CDH19: variants seen among roughly 807,000 people sequenced by gnomAD.
CDH19 encodes cadherin-19.
Under a neutral mutation model 64.2 loss-of-function variants are expected in CDH19, and 67 were observed. That is an observed-to-expected ratio of 1.04 (90% CI 0.86 to 1.28). CDH19 has a LOEUF of 1.28. CDH19 is among the 50% of genes most tolerant of loss of function. The pLI, the probability that CDH19 is intolerant of heterozygous loss-of-function variation, is 0.00. For synonymous variants in CDH19, 346 were observed against 319.3 expected, an observed-to-expected ratio of 1.08 and a Z score of -0.89; for missense variants, 1,030 against 929.0, an observed-to-expected ratio of 1.11 and a Z score of -1.41.
rs372939754 is a variant in CDH19, at chr18:66,572,212, A to T, written c.-8T>A. On this transcript the variant is annotated 5_prime_UTR_variant, in exon 2 of 12. Transcript: ENST00000262150. ...CAGTAAATAACAGTTCATTGCGTTG[A>T]CTCTTTTGATTCCAACTATTACTCT... 4 of 1,603,382 alleles carry T rather than the reference A, an allele frequency of 2.5e-6. No individual in the cohort carries two copies. The highest frequency in any genetic ancestry group is 3.4e-6 in the Non-Finnish European group (4 of 1,172,476).
chr18:66,548,793 A>G (rs1987233580), intron 5 of CDH19, among the ~76,000 whole-genome samples: 1 of 152,218 alleles, frequency 6.6e-6, no homozygotes, highest in Non-Finnish European at 1.5e-5. Flanking sequence ...CTCTAAAGAG[A>G]AAGGAAGAAT....
chr18:66,554,280 T>G, intron 4 of CDH19, 125 bp downstream of exon 4: 1 of 853,332 alleles, frequency 1.2e-6, no homozygotes, highest in Non-Finnish European at 1.8e-6. Flanking sequence ...TGCTTAGGAA[T>G]TGCAATCTTT....
chr18:66,529,455 A>G (rs1986349602), intron 9 of CDH19, among the ~76,000 whole-genome samples: 1 of 151,308 alleles, frequency 6.6e-6, no homozygotes, highest in Non-Finnish European at 1.5e-5. Context: ...CACTATCGTT[A>G]GCAAATTTTT....
At chr18:66,595,677 C>G (rs1225571396) in intron 1 of CDH19, among the ~76,000 whole-genome samples, 1 of 151,868 alleles carries the variant, frequency 6.6e-6, no homozygotes, top group Non-Finnish European at 1.5e-5. Context: ...TAATAAAAAA[C>G]CTACCCAAAA....
chr18:66,598,235 T>C lies in CDH19; in HGVS notation c.-113+5719A>G, dbSNP rs1988953377. On this transcript the variant is annotated intron_variant, in intron 1 of 11. Transcript: ENST00000262150. Reference sequence around the variant, plus strand: ...TAGTTCAGCCACTATGAAAAGCAGTTTGGAGATATCTCAAAGATCTTAGAA... The same window carrying C: ...TAGTTCAGCCACTATGAAAAGCAGTCTGGAGATATCTCAAAGATCTTAGAA... Among the ~76,000 whole-genome samples, 2 of 152,096 alleles carry C rather than the reference T, an allele frequency of 1.3e-5. 1 individual carries two copies.
At chr18:66,568,763 T>A (rs1040152116) in intron 2 of CDH19, 53 bp from the exon 3 acceptor site, 1 of 1,397,212 alleles carries the variant, frequency 7.2e-7, no homozygotes, top group Non-Finnish European at 9.6e-7. Context: ...AATGGACAAA[T>A]CAAAATCAAG....
At chr18:66,531,196 G>A (rs948628799) in intron 8 of CDH19, among the ~76,000 whole-genome samples, 1 of 151,418 alleles carries the variant, frequency 6.6e-6, no homozygotes, top group African/African-American at 2.4e-5. Context: ...TAAATGATCC[G>A]ATTAAATACA....
chr18:66,556,312 C>T (rs1261558933), intron 3 of CDH19, among the ~76,000 whole-genome samples: 1 of 151,648 alleles, frequency 6.6e-6, no homozygotes, highest in African/African-American at 2.4e-5. Flanking sequence ...CATCACAAAT[C>T]TCAAATATAA....
chr18:66,563,306 T>C (rs1284061888), intron 3 of CDH19, among the ~76,000 whole-genome samples: 1 of 152,074 alleles, frequency 6.6e-6, no homozygotes, highest in Non-Finnish European at 1.5e-5. Flanking sequence ...CTTTAGAATG[T>C]TATATTTTAT....
intron 10 of CDH19, among the ~76,000 whole-genome samples, chr18:66,510,059 T>C (rs1313359036): frequency 6.6e-6 from 1 of 151,810 alleles, no homozygotes; most frequent in African/African-American, 2.4e-5. Context: ...TCATTGTAAT[T>C]TCTTGTACCT....
At chr18:66,601,118 T>A (rs1989027788) in intron 1 of CDH19, among the ~76,000 whole-genome samples, 1 of 151,898 alleles carries the variant, frequency 6.6e-6, no homozygotes, top group African/African-American at 2.4e-5. Context: ...TTTATTATTA[T>A]TCTAGTTACA....
intron 3 of CDH19, 91 bp downstream of exon 3, chr18:66,568,325 C>T: frequency 2.1e-6 from 2 of 966,292 alleles, no homozygotes; most frequent in South Asian, 3.2e-5. Context: ...CTAGTATAGA[C>T]CCTTAAATCA....
At chr18:66,590,536 A>G (rs959897926) in intron 1 of CDH19, among the ~76,000 whole-genome samples, 1 of 151,836 alleles carries the variant, frequency 6.6e-6, no homozygotes, top group African/African-American at 2.4e-5. Flanking sequence ...TAAAAAAAAA[A>G]AAAGAAAATG....
At chr18:66,581,513 C>T (rs1988420739) in intron 1 of CDH19, among the ~76,000 whole-genome samples, 1 of 152,036 alleles carries the variant, frequency 6.6e-6, no homozygotes, top group South Asian at 2.1e-4. Flanking sequence ...GGGCACCATC[C>T]AGTCACAGCT....
chr18:66,547,569 A>T (rs1214747448), intron 5 of CDH19, among the ~76,000 whole-genome samples: 1 of 148,432 alleles, frequency 6.7e-6, no homozygotes, highest in Non-Finnish European at 1.5e-5. Flanking sequence ...TGAAACCTGG[A>T]TGTGTGGGTA....
intron 9 of CDH19, among the ~76,000 whole-genome samples, chr18:66,521,815 C>T (rs1985998815): frequency 6.6e-6 from 1 of 151,884 alleles, no homozygotes; most frequent in African/African-American, 2.4e-5. Context: ...TCCCAAAGTG[C>T]TGGGATAACA....
intron 9 of CDH19, among the ~76,000 whole-genome samples, chr18:66,528,885 T>C (rs543629830): frequency 6.6e-6 from 1 of 152,180 alleles, no homozygotes; most frequent in South Asian, 2.1e-4. Context: ...ATTGAGTTGA[T>C]AGTATCTGTA....
chr18:66,561,320 C>T (rs1436874427), intron 3 of CDH19, among the ~76,000 whole-genome samples: 1 of 152,022 alleles, frequency 6.6e-6, no homozygotes, highest in Non-Finnish European at 1.5e-5. Context: ...CAGAACTGTC[C>T]TGGGTAAAAC....
At chr18:66,595,140 A>G (rs1988851151) in intron 1 of CDH19, among the ~76,000 whole-genome samples, 1 of 152,034 alleles carries the variant, frequency 6.6e-6, no homozygotes, top group African/African-American at 2.4e-5. Flanking sequence ...AAGTTCTTTG[A>G]AACTAATGAA....
Sources: gnomAD v4.1 joint callset for allele counts (sites outside exome capture counted in the v4.1 genomes callset) on GRCh38, gnomAD v4.1.1 for gene constraint, MANE v1.5 for transcripts, NCBI Gene and HGNC (gene_info 2026-07-23, HGNC 2026-07-21) for gene names.